The following C1orf87 variants were observed in gnomAD, a reference collection of about 807,000 sequenced individuals.
C1orf87 encodes the protein uncharacterized protein C1orf87.
In C1orf87, 58 loss-of-function variants were observed where a neutral mutation model predicts 60.5. That is an observed-to-expected ratio of 0.96 (90% CI 0.78 to 1.19). The LOEUF (loss-of-function observed/expected upper bound fraction) is 1.19. Among genes scored for constraint, C1orf87 ranks in the 50% most tolerant of loss-of-function variants. C1orf87 has a pLI of 0.00. For synonymous variants in C1orf87, 236 were observed against 227.4 expected, an observed-to-expected ratio of 1.04 and a Z score of -0.34; for missense variants, 673 against 638.6, an observed-to-expected ratio of 1.05 and a Z score of -0.58.
chr1:60,046,565 A>G (rs1290345447), intron 3 of C1orf87, among the ~76,000 whole-genome samples: 5 of 150,764 alleles, frequency 3.3e-5, no homozygotes, highest in Non-Finnish European at 7.4e-5. Context: ...CAGCCTCCCA[A>G]GTAGTTAGGA....
At chr1:60,025,663 A>T (rs561686333) in intron 7 of C1orf87, among the ~76,000 whole-genome samples, 165 bp from the exon 8 acceptor site, 2 of 152,330 alleles carry the variant, frequency 1.3e-5, no homozygotes, top group East Asian at 3.9e-4. Flanking sequence ...ATCCTTCAGG[A>T]TACCATTTAG....
At chr1:60,022,852 A>G (rs1256749638) in intron 8 of C1orf87, among the ~76,000 whole-genome samples, 1 of 152,200 alleles carries the variant, frequency 6.6e-6, no homozygotes, top group Non-Finnish European at 1.5e-5. Context: ...CAAGACAGCT[A>G]CTAAGTGATT....
At chr1:60,010,333 T>A (rs900698994) in intron 9 of C1orf87, 59 bp downstream of exon 9, 2 of 1,451,982 alleles carry the variant, frequency 1.4e-6, no homozygotes, top group African/African-American at 2.8e-5. Context: ...GGCAGCATAG[T>A]CAACAATAGC....
chr1:59,993,835 T>C (rs1336643696), intron 11 of C1orf87, among the ~76,000 whole-genome samples: 1 of 150,246 alleles, frequency 6.7e-6, no homozygotes, highest in African/African-American at 2.4e-5. Context: ...CCCGGTTCAC[T>C]GCAACCTCCA....
intron 8 of C1orf87, among the ~76,000 whole-genome samples, chr1:60,020,609 C>T (rs1352687782): frequency 3.9e-5 from 6 of 152,146 alleles, no homozygotes; most frequent in Non-Finnish European, 8.8e-5. Flanking sequence ...TCTTTTGGCA[C>T]ATTTCTTCCT....
At position 59,990,439 on chromosome 1, in the gene C1orf87, A is replaced by T; in HGVS notation, c.*234T>A. 3.0e-6 allele frequency: 1 copy of T among 328,498 alleles called. No homozygotes were observed. 20.3% of individuals were successfully genotyped at this position (328,498 alleles called of 1,614,324 possible). A position where few individuals can be genotyped will look rare whatever the true frequency, so the allele number is the denominator to read the frequency against. On this transcript the variant is annotated 3_prime_UTR_variant, in exon 12 of 12. Transcript: ENST00000371201. ...ATTAAAACAGAAGGAGATTCTAAGTAGCTGGGTTCTTGCCACATCAAAAGA... is the reference window on the plus strand; with the variant it reads ...ATTAAAACAGAAGGAGATTCTAAGTTGCTGGGTTCTTGCCACATCAAAAGA...
At chr1:59,992,934 C>T (rs1321188201) in intron 11 of C1orf87, among the ~76,000 whole-genome samples, 1 of 152,152 alleles carries the variant, frequency 6.6e-6, no homozygotes, top group Non-Finnish European at 1.5e-5. Context: ...ATGTAAACCT[C>T]ATTCTTTGAG....
intron 10 of C1orf87, 65 bp downstream of exon 10, chr1:60,001,012 A>T: frequency 1.5e-6 from 2 of 1,321,876 alleles, no homozygotes; most frequent in Non-Finnish European, 2.2e-6. Context: ...CCCATCCAGC[A>T]TCAGAGAAAA....
chr1:60,065,343 C>G (rs1645538882), intron 2 of C1orf87, among the ~76,000 whole-genome samples: 1 of 151,670 alleles, frequency 6.6e-6, no homozygotes. Flanking sequence ...GCCATACGCA[C>G]ACGGAGGAAG....
At chr1:59,999,094 G>A (rs377645530) in intron 10 of C1orf87, among the ~76,000 whole-genome samples, 10 of 152,130 alleles carry the variant, frequency 6.6e-5, no homozygotes, top group South Asian at 6.2e-4. Flanking sequence ...CAAACTTCTC[G>A]TATATAAGCT....
chr1:60,067,605 G>T (rs1645557147), intron 2 of C1orf87, among the ~76,000 whole-genome samples: 4 of 94,750 alleles, frequency 4.2e-5, no homozygotes, highest in African/African-American at 8.2e-5. Flanking sequence ...TAAGTCCCTT[G>T]TAGACTCTGG....
At chr1:60,030,074 G>A (rs1196924754) in intron 7 of C1orf87, among the ~76,000 whole-genome samples, 2 of 152,116 alleles carry the variant, frequency 1.3e-5, no homozygotes, top group East Asian at 3.9e-4. Context: ...TCATTGCACT[G>A]TCACACAGAA....
intron 5 of C1orf87, among the ~76,000 whole-genome samples, chr1:60,038,814 G>C (rs1645297236): frequency 6.6e-6 from 1 of 152,166 alleles, no homozygotes; most frequent in Non-Finnish European, 1.5e-5. Flanking sequence ...CTGAAGGAAT[G>C]TCATCCATTT....
intron 8 of C1orf87, among the ~76,000 whole-genome samples, chr1:60,018,585 G>A (rs975679079): frequency 7.2e-5 from 11 of 152,128 alleles, no homozygotes; most frequent in African/African-American, 2.4e-4. Context: ...TTTGATACTT[G>A]CTTTTTCTTC....
At position 60,001,064 on chromosome 1, in the gene C1orf87, C is replaced by G. The variant is rs369434538; in HGVS notation, c.1272+13G>C. On this transcript the variant is annotated intron_variant, in intron 10 of 11. Coordinates refer to ENST00000371201, the MANE Select transcript of C1orf87 (RefSeq NM_152377.3). Reference sequence around the variant, plus strand: ...AAACCTTCCCCCAAACTCTATATACCCCAGGTGCATACCATATGTTCAGTT... The same window carrying G: ...AAACCTTCCCCCAAACTCTATATACGCCAGGTGCATACCATATGTTCAGTT... The G allele has an allele frequency of 3.7e-5, 59 of 1,602,122 alleles. No homozygotes were observed. Among genetic ancestry groups the G allele is most frequent in the Middle Eastern group, 3.3e-4 (2 of 6,002 alleles).
chr1:60,039,139 C>T (rs1282086546), intron 5 of C1orf87, among the ~76,000 whole-genome samples: 2 of 152,126 alleles, frequency 1.3e-5, no homozygotes, highest in Non-Finnish European at 1.5e-5. Context: ...CATGGGAGGA[C>T]TTAAGTAGAG....
Position 60,010,376 on chromosome 1 carries a change from A to G in C1orf87, c.1192+16T>C, listed in dbSNP as rs1191528724. The G allele has an allele frequency of 6.2e-7, 1 of 1,609,334 alleles. No individual in the cohort carries two copies. The highest frequency in any genetic ancestry group is 8.5e-7 in the Non-Finnish European group (1 of 1,176,632). On this transcript the variant is annotated intron_variant, in intron 9 of 11. Coordinates refer to ENST00000371201, the MANE Select transcript of C1orf87 (RefSeq NM_152377.3). ...AATGGAAGGTCTCTCTGGAGCAAAA[A>G]AATAATGGAACTCACCTGTAGGCAA... is the stretch of plus-strand genomic sequence containing the variant.
intron 2 of C1orf87, among the ~76,000 whole-genome samples, chr1:60,058,328 G>A (rs1035510707): frequency 6.6e-6 from 1 of 152,240 alleles, no homozygotes; most frequent in Middle Eastern, 3.4e-3. Context: ...TCAGTGAGTG[G>A]TAGACTTATG....
chr1:60,044,423 A>T (rs1645351399), intron 3 of C1orf87, among the ~76,000 whole-genome samples: 1 of 152,192 alleles, frequency 6.6e-6, no homozygotes, highest in African/African-American at 2.4e-5. Flanking sequence ...TATTTTAAAT[A>T]TTTTATACAT....
Sources: allele counts gnomAD v4.1 joint callset (sites outside exome capture counted in the v4.1 genomes callset), GRCh38; gene constraint gnomAD v4.1.1; transcripts MANE v1.5; gene names NCBI Gene and HGNC (gene_info 2026-07-23, HGNC 2026-07-21).